The following WNT7B variants were observed in gnomAD, a reference collection of about 807,000 sequenced individuals.
The protein encoded by WNT7B is protein Wnt-7b.
A neutral mutation model predicts 38.2 loss-of-function variants in WNT7B; 19 were observed. The ratio of observed to expected loss-of-function variants is 0.50; its 90% CI spans 0.35 to 0.73. The LOEUF (loss-of-function observed/expected upper bound fraction) is 0.73. WNT7B is among the 30% of genes least tolerant of loss of function. WNT7B has a pLI of 0.01. For synonymous variants in WNT7B, 243 were observed against 209.3 expected (o/e 1.16, Z -1.39); for missense variants, 423 against 507.9 (o/e 0.83, Z 1.61).
At chr22:45,928,800 G>A (rs998479988) in intron 3 of WNT7B, among the ~76,000 whole-genome samples, 1 of 152,182 alleles carries the variant, frequency 6.6e-6, no homozygotes, top group African/African-American at 2.4e-5. Context: ...AATGGCACCT[G>A]TAGCCCAGAG....
chr22:45,951,017 C>T lies in WNT7B; in HGVS notation c.72-871G>A, dbSNP rs144808300. The stretch of plus-strand genomic sequence containing the variant: ...GGACCTGAAGCCCTAGACAAGAACC[C>T]GCAGGTCACGCTCACTCTACTTCAA... On this transcript the variant is annotated intron_variant, in intron 1 of 3. Transcript: ENST00000339464. This position sits in a 1 kb window ranked among gnomAD's most constrained non-coding sequence, Gnocchi z 4.8. Among the ~76,000 whole-genome samples, 5 of 152,288 alleles carry T rather than the reference C, an allele frequency of 3.3e-5. No individual in the cohort carries two copies. The highest frequency in any genetic ancestry group is 2.6e-4 in the Admixed American group (4 of 15,298).
chr22:45,931,168 A>C lies in WNT7B; in HGVS notation c.500T>G (p.Val167Gly). The C allele has an allele frequency of 6.3e-7, 1 of 1,599,516 alleles. No individual in the cohort carries two copies. Among genetic ancestry groups the C allele is most frequent in the Non-Finnish European group, 8.5e-7 (1 of 1,179,472 alleles). The change falls in exon 3 of 4, where the codon GTG (valine) becomes GGG (glycine). Residue 167 changes from valine to glycine, a missense_variant. By Grantham distance (109) the Val-to-Gly change is moderately radical (BLOSUM62 -3). Around this residue, in one of 3 missense-constraint regions of WNT7B, gnomAD observed 132 missense variants for 113.4 expected, o/e 1.16. Transcript: ENST00000339464. ...GTTCTTCTTGATCTCCCGAGCGTCC[A>C]CGAAGCGCCGGGAGAAGTCGATGCC... is the stretch of plus-strand genomic sequence containing the variant. ...RYGIDFSRRF[V>G]DAREIKKNAR...
intron 3 of WNT7B, among the ~76,000 whole-genome samples, chr22:45,929,731 TCCAC>T (rs148538867): frequency 0.047 from 6,314 of 135,306 alleles, 141 homozygotes; most frequent in East Asian, 0.064. Flanking sequence ...CACTCACCCA[TCCAC>T]CCACCGATCC....
At chr22:45,935,858 G>T in intron 2 of WNT7B, 2 of 985,416 alleles carry the variant, frequency 2.0e-6, no homozygotes, top group Non-Finnish European at 1.2e-6. Context: ...AGCTGCCCTA[G>T]ATGTGTGTGG....
chr22:45,946,042 T>C (rs1931787371), intron 2 of WNT7B, among the ~76,000 whole-genome samples: 1 of 148,064 alleles, frequency 6.8e-6, no homozygotes, highest in Non-Finnish European at 1.5e-5. Context: ...CCCAGGCCCG[T>C]GGTCCTGGGG....
chr22:45,955,387 G>C (rs1932034702), intron 1 of WNT7B, among the ~76,000 whole-genome samples: 2 of 152,242 alleles, frequency 1.3e-5, no homozygotes, highest in Non-Finnish European at 2.9e-5. Flanking sequence ...TTTAGAGGAG[G>C]CCAGAGAGCC....
At chr22:45,928,177 C>T (rs964198218) in intron 3 of WNT7B, among the ~76,000 whole-genome samples, 1 of 152,168 alleles carries the variant, frequency 6.6e-6, no homozygotes, top group Non-Finnish European at 1.5e-5. Context: ...TGCTTTCCAC[C>T]CACCTCACTG....
chr22:45,958,975 G>A (rs1259941792), intron 1 of WNT7B, among the ~76,000 whole-genome samples: 1 of 152,188 alleles, frequency 6.6e-6, no homozygotes, highest in African/African-American at 2.4e-5. Flanking sequence ...TGAGTCACGG[G>A]CCCTCCCCGA....
chr22:45,949,694 T>A (rs113577918), intron 2 of WNT7B, among the ~76,000 whole-genome samples: 1 of 152,170 alleles, frequency 6.6e-6, no homozygotes, highest in Admixed American at 6.5e-5. Context: ...AGCAAGGACC[T>A]TCATCTGCAC....
At chr22:45,959,882 AC>A (rs1569123044) in intron 1 of WNT7B, among the ~76,000 whole-genome samples, 1 of 152,000 alleles carries the variant, frequency 6.6e-6, no homozygotes, top group African/African-American at 2.4e-5. Flanking sequence ...TCTTCCTGGA[AC>A]CCAGCTGGAG....
At chr22:45,957,709 A>AAAAAAAC (rs1932104506) in intron 1 of WNT7B, among the ~76,000 whole-genome samples, 1 of 150,846 alleles carries the variant, frequency 6.6e-6, no homozygotes, top group Non-Finnish European at 1.5e-5. Flanking sequence ...AAAAAAAAAA[A>AAAAAAAC]AAACAGAAAA....
At chr22:45,929,893 CACTCATCT>C (rs945199327) in intron 3 of WNT7B, among the ~76,000 whole-genome samples, 33 of 151,780 alleles carry the variant, frequency 2.2e-4, no homozygotes, top group Admixed American at 7.9e-4. Flanking sequence ...CCCACTCATC[CACTCATCT>C]ATCTACCCAT....
At chr22:45,973,844 C>T (rs1158357248) in intron 1 of WNT7B, among the ~76,000 whole-genome samples, 3 of 152,126 alleles carry the variant, frequency 2.0e-5, no homozygotes, top group Non-Finnish European at 4.4e-5. Flanking sequence ...ATGTGAGTTG[C>T]ACCAGGCTTA....
Position 45,975,405 on chromosome 22 carries a change from ACC to A in WNT7B, c.71+1277_71+1278del. On this transcript the variant is annotated intron_variant, in intron 1 of 3. Coordinates refer to ENST00000339464, the MANE Select transcript of WNT7B (RefSeq NM_058238.3). This position sits in a 1 kb window ranked among gnomAD's most constrained non-coding sequence, Gnocchi z 6.6. ...ACCCAGGGACACAGCCTACCCACAG[ACC>A]TATGATAAACGGGGCTACCGGCAGC... 2 of 610,094 alleles carry A rather than the reference ACC, an allele frequency of 3.3e-6. No homozygotes were observed. Among genetic ancestry groups the A allele is most frequent in the Non-Finnish European group, 6.1e-6 (2 of 329,172 alleles). 37.8% of individuals were successfully genotyped at this position (610,094 alleles called of 1,614,324 possible). A position where few individuals can be genotyped will look rare whatever the true frequency, so the allele number is the denominator to read the frequency against.
rs1932563234 is a variant in WNT7B at position 45,976,857 on chromosome 22, C to T, written c.-103G>A. On this transcript the variant is annotated 5_prime_UTR_variant, in exon 1 of 4. An upstream open reading frame in the 5' UTR loses its in-frame stop. Coordinates refer to ENST00000339464, the MANE Select transcript of WNT7B (RefSeq NM_058238.3). The surrounding 1 kb of genome is among the most constrained non-coding windows in gnomAD (Gnocchi z 8.5). ...CAGGGGGCTGCGGGCAGACTGCGCT[C>T]AGCCCGCGCTGCGGCTCGGGCGGCC... is the stretch of plus-strand genomic sequence containing the variant. 1 of 1,080,308 alleles carries T rather than the reference C, an allele frequency of 9.3e-7. No homozygotes were observed. The highest frequency in any genetic ancestry group is 1.7e-5 in the African/African-American group (1 of 58,826). The allele number at this position is 1,080,308 out of a possible 1,614,324, so 66.9% of individuals were successfully genotyped here.
At chr22:45,963,780 C>A (rs1932248941) in intron 1 of WNT7B, among the ~76,000 whole-genome samples, 1 of 152,132 alleles carries the variant, frequency 6.6e-6, no homozygotes, top group Non-Finnish European at 1.5e-5. Flanking sequence ...GCCTGGCTCT[C>A]CCCAGACTCT....
At chr22:45,942,078 A>G (rs969220233) in intron 2 of WNT7B, among the ~76,000 whole-genome samples, 14 of 151,986 alleles carry the variant, frequency 9.2e-5, no homozygotes, top group African/African-American at 3.1e-4. Context: ...GGCTCTTCAC[A>G]GCCTAGAGCT....
At chr22:45,968,766 C>T (rs1488572140) in intron 1 of WNT7B, among the ~76,000 whole-genome samples, 6 of 152,150 alleles carry the variant, frequency 3.9e-5, no homozygotes, top group African/African-American at 7.2e-5. Context: ...CAGTTGAGAT[C>T]TCATCAGATT....
At chr22:45,971,496 G>A (rs568260818) in intron 1 of WNT7B, among the ~76,000 whole-genome samples, 36 of 152,286 alleles carry the variant, frequency 2.4e-4, no homozygotes, top group Non-Finnish European at 4.3e-4. Flanking sequence ...ACACACACGC[G>A]CGCCCACGCT....
Sources: gnomAD v4.1 joint callset for allele counts (sites outside exome capture counted in the v4.1 genomes callset) on GRCh38, gnomAD v4.1.1 for gene constraint, gnomAD v4.1.1 regional missense constraint, Gnocchi (gnomAD v3.1) non-coding constraint, MANE v1.5 for transcripts, NCBI Gene and HGNC (gene_info 2026-07-23, HGNC 2026-07-21) for gene names.